Variants in CDH13 observed in about 807,000 individuals in gnomAD.
CDH13 encodes cadherin-13.
A neutral mutation model predicts 63.8 loss-of-function variants in CDH13; 24 were observed. The observed-to-expected ratio is 0.38, with a 90% CI of 0.27 to 0.53. The LOEUF (loss-of-function observed/expected upper bound fraction) is 0.53, where lower values mean the gene tolerates loss of function less well. Among genes scored for constraint, CDH13 ranks in the 20% least tolerant of loss-of-function variants. The pLI is 0.85. For synonymous variants in CDH13, 503 were observed against 355.3 expected (o/e 1.42, Z -4.67); for missense variants, 1,049 against 903.1 (o/e 1.16, Z -2.07).
At chr16:83,614,257 GACTCAGGCTTTTTCAAGGGTGGGTCT>G (rs1229021008) in intron 8 of CDH13, among the ~76,000 whole-genome samples, 1 of 152,166 alleles carries the variant, frequency 6.6e-6, no homozygotes, top group African/African-American at 2.4e-5. Context: ...TTTGTGGTGG[GACTCAGGCTTTTTCAAGGGTGGGTCT>G]ACTTCCCAGT....
chr16:82,633,642 G>A (rs983204369), intron 1 of CDH13, among the ~76,000 whole-genome samples: 19 of 152,198 alleles, frequency 1.2e-4, no homozygotes, highest in African/African-American at 4.6e-4. Flanking sequence ...CTCCCCAAGT[G>A]CTGGGATAAA....
chr16:83,212,008 G>GA (rs2039352798), intron 4 of CDH13, among the ~76,000 whole-genome samples: 1 of 152,104 alleles, frequency 6.6e-6, no homozygotes, highest in Admixed American at 6.6e-5. Context: ...GTATATAATG[G>GA]GCCTTAACAG....
intron 3 of CDH13, among the ~76,000 whole-genome samples, chr16:83,082,987 AT>A (rs35651626): frequency 1 from 151,809 of 152,276 alleles, 75,674 homozygotes; most frequent in East Asian, 1. Flanking sequence ...TCTAGTAAGA[AT>A]TTTTTTTAAT....
At chr16:82,979,240 T>C (rs1909937188) in intron 2 of CDH13, among the ~76,000 whole-genome samples, 1 of 152,144 alleles carries the variant, frequency 6.6e-6, no homozygotes, top group Non-Finnish European at 1.5e-5. Flanking sequence ...AGGCCTCGTC[T>C]CAGATGAGAC....
intron 4 of CDH13, among the ~76,000 whole-genome samples, chr16:83,184,799 G>C (rs987942002): frequency 6.6e-6 from 1 of 152,070 alleles, no homozygotes; most frequent in African/African-American, 2.4e-5. Flanking sequence ...GATGAGGACG[G>C]TAATAATACC....
At chr16:83,692,690 CTT>C (rs1167468541) in intron 10 of CDH13, among the ~76,000 whole-genome samples, 2 of 152,298 alleles carry the variant, frequency 1.3e-5, no homozygotes, top group African/African-American at 2.4e-5. Flanking sequence ...GACCTTGACT[CTT>C]TTTATTTCAT....
chr16:83,131,784 C>A (rs1310142508), intron 4 of CDH13, among the ~76,000 whole-genome samples: 5 of 152,128 alleles, frequency 3.3e-5, no homozygotes, highest in Admixed American at 3.3e-4. Flanking sequence ...GTTTTAAAGA[C>A]CCTATAAATT....
At chr16:83,578,008 A>G (rs1223458800) in intron 7 of CDH13, among the ~76,000 whole-genome samples, 3 of 152,222 alleles carry the variant, frequency 2.0e-5, no homozygotes, top group Non-Finnish European at 2.9e-5. Flanking sequence ...TTGCTTCTCA[A>G]CAATATAATA....
At chr16:82,877,349 A>T (rs914907710) in intron 2 of CDH13, among the ~76,000 whole-genome samples, 1 of 152,250 alleles carries the variant, frequency 6.6e-6, no homozygotes, top group East Asian at 1.9e-4. Flanking sequence ...CAAATGAAGC[A>T]GTGAAATTGT....
At chr16:83,238,262 A>G (rs1478477622) in intron 5 of CDH13, among the ~76,000 whole-genome samples, 5 of 151,956 alleles carry the variant, frequency 3.3e-5, no homozygotes, top group African/African-American at 1.2e-4. Context: ...ACAGTTCCAC[A>G]TGTCTGGGGA....
At chr16:83,161,962 C>G (rs1295519951) in intron 4 of CDH13, among the ~76,000 whole-genome samples, 1 of 152,194 alleles carries the variant, frequency 6.6e-6, no homozygotes, top group African/African-American at 2.4e-5. Context: ...AAGAATCCAT[C>G]TTTTTCTATC....
chr16:83,526,134 C>T (rs2074953662), intron 7 of CDH13, among the ~76,000 whole-genome samples: 1 of 152,208 alleles, frequency 6.6e-6, no homozygotes, highest in African/African-American at 2.4e-5. Flanking sequence ...GAACCAAAAA[C>T]ACCAGGAAAT....
intron 2 of CDH13, among the ~76,000 whole-genome samples, chr16:82,978,282 A>G (rs1291941664): frequency 6.6e-6 from 1 of 152,272 alleles, no homozygotes; most frequent in African/African-American, 2.4e-5. Context: ...ACAATGCAAT[A>G]GAAAAGAAAA....
intron 5 of CDH13, among the ~76,000 whole-genome samples, chr16:83,237,582 C>G (rs556432067): frequency 6.6e-6 from 1 of 152,208 alleles, no homozygotes; most frequent in Non-Finnish European, 1.5e-5. Context: ...ATTTAAATAG[C>G]TGCATTTGGC....
intron 3 of CDH13, among the ~76,000 whole-genome samples, chr16:83,075,064 C>T (rs1359769848): frequency 1.3e-5 from 2 of 152,134 alleles, no homozygotes; most frequent in Non-Finnish European, 1.5e-5. Context: ...TCCTTGGGTC[C>T]AGCATCCTTG....
At chr16:83,460,020 G>T (rs1423509718) in intron 6 of CDH13, among the ~76,000 whole-genome samples, 2 of 152,070 alleles carry the variant, frequency 1.3e-5, no homozygotes, top group African/African-American at 4.8e-5. Context: ...ATTGATAGGG[G>T]ATCAGTAACA....
At chr16:82,789,435 A>G (rs8051842) in intron 1 of CDH13, among the ~76,000 whole-genome samples, 11,854 of 152,260 alleles carry the variant, frequency 0.078, 506 homozygotes, top group Middle Eastern at 0.12. Flanking sequence ...TCTGAATCAC[A>G]TCAAGGCGAT....
chr16:83,681,102 A>C (rs1040489513), intron 10 of CDH13, among the ~76,000 whole-genome samples: 1 of 151,946 alleles, frequency 6.6e-6, no homozygotes, highest in African/African-American at 2.4e-5. Context: ...GAAGATGAGC[A>C]GGACAGATTG....
chr16:82,965,991 C>T (rs947904403), intron 2 of CDH13, among the ~76,000 whole-genome samples: 1 of 152,136 alleles, frequency 6.6e-6, no homozygotes, highest in Non-Finnish European at 1.5e-5. Flanking sequence ...CCCTGTCAGC[C>T]AATCAGTCAA....
Sources: allele counts gnomAD v4.1 joint callset (sites outside exome capture counted in the v4.1 genomes callset), GRCh38; gene constraint gnomAD v4.1.1; transcripts MANE v1.5; gene names NCBI Gene and HGNC (gene_info 2026-07-23, HGNC 2026-07-21).